Variants in ARHGAP32 observed in about 807,000 individuals in gnomAD.
ARHGAP32 encodes Rho GTPase activating protein 32, also known as rho GTPase-activating protein 32.
A neutral mutation model predicts 186.5 loss-of-function variants in ARHGAP32; 51 were observed. That is an observed-to-expected ratio of 0.27 (90% CI 0.22 to 0.35). The LOEUF is 0.35. ARHGAP32 is among the 10% of genes least tolerant of loss of function. The probability of loss-of-function intolerance (pLI) is 1.00; values close to 1 mark genes in which losing one functional copy is unlikely to be tolerated. For missense variants in ARHGAP32, 2,186 were observed against 2,623.5 expected (o/e 0.83, Z 3.64); for synonymous variants, 950 against 964.3 (o/e 0.99, Z 0.27).
intron 2 of ARHGAP32, among the ~76,000 whole-genome samples, chr11:129,136,589 C>CA (rs964711395): frequency 1.3e-5 from 2 of 151,834 alleles, no homozygotes; most frequent in Admixed American, 6.6e-5. Context: ...AACACAAATG[C>CA]AAAAAACATA....
At chr11:129,245,601 AAAATAAAT>A (rs777713723) in intron 1 of ARHGAP32, among the ~76,000 whole-genome samples, 63 of 150,166 alleles carry the variant, frequency 4.2e-4, no homozygotes, top group Non-Finnish European at 2.7e-4. Flanking sequence ...AAGTATAATA[AAAATAAAT>A]AAATAAATAA....
At chr11:129,142,628 C>T (rs544182419) in intron 2 of ARHGAP32, among the ~76,000 whole-genome samples, 1 of 151,852 alleles carries the variant, frequency 6.6e-6, no homozygotes, top group South Asian at 2.1e-4. Flanking sequence ...AATAATATCA[C>T]CCAATACACA....
intron 15 of ARHGAP32, among the ~76,000 whole-genome samples, chr11:128,984,555 A>T (rs541520496): frequency 6.6e-6 from 1 of 152,220 alleles, no homozygotes; most frequent in Non-Finnish European, 1.5e-5. Flanking sequence ...TAAAAAGTCT[A>T]TATCAAAAGA....
intron 6 of ARHGAP32, among the ~76,000 whole-genome samples, chr11:129,091,855 T>G (rs140153604): frequency 6.6e-6 from 1 of 152,214 alleles, no homozygotes; most frequent in Non-Finnish European, 1.5e-5. Flanking sequence ...GAGGGTCTAA[T>G]TGTATGTCTT....
At chr11:129,087,239 T>C (rs905314898) in intron 6 of ARHGAP32, among the ~76,000 whole-genome samples, 4 of 152,268 alleles carry the variant, frequency 2.6e-5, no homozygotes, top group Non-Finnish European at 4.4e-5. Context: ...TCATGCTCCT[T>C]GGTGTTTACC....
intron 8 of ARHGAP32, 47 bp from the exon 9 acceptor site, chr11:129,064,071 A>G (rs1940605529): frequency 6.5e-7 from 1 of 1,529,120 alleles, no homozygotes. Context: ...TGGACTTGCA[A>G]ATGCTTCTTT....
chr11:129,007,814 G>A (rs1937865154), intron 11 of ARHGAP32, among the ~76,000 whole-genome samples: 1 of 152,150 alleles, frequency 6.6e-6, no homozygotes, highest in African/African-American at 2.4e-5. Context: ...AGTCCTTGCG[G>A]CCTAGACTGC....
chr11:129,066,636 G>A (rs76962610), intron 7 of ARHGAP32, 95 bp downstream of exon 7: 13,003 of 1,135,670 alleles, frequency 0.011, 125 homozygotes, highest in South Asian at 0.032. Flanking sequence ...ATCACCCTGC[G>A]TGTTCAGTAT....
At chr11:129,074,260 C>T (rs1448562467) in intron 6 of ARHGAP32, among the ~76,000 whole-genome samples, 1 of 94,398 alleles carries the variant, frequency 1.1e-5, no homozygotes, top group Non-Finnish European at 2.1e-5. Context: ...ATGTACTTGA[C>T]TATGTGTGTT....
At chr11:129,029,801 C>CAAAAAAAAAAAAAAA (rs34762356) in intron 11 of ARHGAP32, among the ~76,000 whole-genome samples, 1 of 46,946 alleles carries the variant, frequency 2.1e-5, no homozygotes, top group African/African-American at 1.1e-4. Flanking sequence ...GACTCCGTCT[C>CAAAAAAAAAAAAAAA]AAAAAAAAAA....
chr11:129,040,807 T>C (rs1431904362), intron 11 of ARHGAP32, 121 bp downstream of exon 11: 2 of 621,276 alleles, frequency 3.2e-6, no homozygotes, highest in African/African-American at 1.8e-5. Flanking sequence ...AAATTAAGAA[T>C]GTTAATTATT....
At chr11:129,229,512 G>A (rs931442133) in intron 1 of ARHGAP32, among the ~76,000 whole-genome samples, 8 of 151,976 alleles carry the variant, frequency 5.3e-5, no homozygotes, top group Admixed American at 5.2e-4. Context: ...AATTCATATC[G>A]TTTTTACACT....
intron 12 of ARHGAP32, among the ~76,000 whole-genome samples, chr11:128,989,927 A>G (rs11607461): frequency 0.021 from 3,185 of 152,234 alleles, 83 homozygotes; most frequent in Admixed American, 0.077. Context: ...TCCATGGTAT[A>G]TATGTGCCAC....
intron 2 of ARHGAP32, among the ~76,000 whole-genome samples, chr11:129,150,173 T>G (rs1260178360): frequency 6.7e-6 from 1 of 149,378 alleles, no homozygotes; most frequent in Admixed American, 6.7e-5. Context: ...AGGGATTATG[T>G]TAAATGGCCA....
At chr11:129,060,528 T>A (rs1018630915) in intron 10 of ARHGAP32, among the ~76,000 whole-genome samples, 1 of 152,188 alleles carries the variant, frequency 6.6e-6, no homozygotes, top group African/African-American at 2.4e-5. Flanking sequence ...CATGAAGAAC[T>A]GACTCCTTAA....
rs1030997968 is a variant in ARHGAP32, at chr11:128,967,655, A to G, written c.*1252T>C. The G allele has an allele frequency of 6.6e-6, 1 of 151,932 alleles. No individual in the cohort carries two copies. Among genetic ancestry groups the G allele is most frequent in the Non-Finnish European group, 1.5e-5 (1 of 67,990 alleles). The allele number at this position is 151,932 out of a possible 1,614,324, so 9.4% of individuals were successfully genotyped here. On this transcript the variant is annotated 3_prime_UTR_variant, in exon 23 of 23. Transcript: ENST00000682385. ...AGCTATACCTGAAATGCTGGTGTAG[A>G]TGGTAATTACAAGAAGACTGTGACC...
At chr11:128,989,720 C>T (rs911799628) in intron 12 of ARHGAP32, among the ~76,000 whole-genome samples, 21 of 151,586 alleles carry the variant, frequency 1.4e-4, no homozygotes, top group East Asian at 7.8e-4. Flanking sequence ...AGCCCCCCAA[C>T]CCCCCGAGAG....
chr11:129,124,294 T>A (rs1214708071), intron 3 of ARHGAP32, among the ~76,000 whole-genome samples: 3 of 152,120 alleles, frequency 2.0e-5, no homozygotes, highest in Non-Finnish European at 4.4e-5. Flanking sequence ...TCACGTAAGG[T>A]CAGGTGTGAA....
chr11:129,027,896 A>G (rs1269309473), intron 11 of ARHGAP32, among the ~76,000 whole-genome samples: 5 of 152,252 alleles, frequency 3.3e-5, no homozygotes, highest in African/African-American at 9.6e-5. Context: ...CATAGCACTT[A>G]GTATGCACTC....
Sources: allele counts gnomAD v4.1 joint callset (sites outside exome capture counted in the v4.1 genomes callset), GRCh38; gene constraint gnomAD v4.1.1; transcripts MANE v1.5; gene names NCBI Gene and HGNC (gene_info 2026-07-23, HGNC 2026-07-21).